The following SMARCC1 variants were observed in gnomAD, a reference collection of about 807,000 sequenced individuals.
SMARCC1 encodes the protein SWI/SNF complex subunit SMARCC1.
SMARCC1 carries 43 observed loss-of-function variants against 147.4 expected under a neutral mutation model. That is an observed-to-expected ratio of 0.29 (90% CI 0.23 to 0.38). SMARCC1 has a LOEUF of 0.38. Ranked by LOEUF, SMARCC1 falls within the 10% of genes least tolerant of loss-of-function variation. SMARCC1 has a pLI of 1.00. For missense variants in SMARCC1, 1,119 were observed against 1,381.1 expected (o/e 0.81, Z 3.01); for synonymous variants, 495 against 484.4 (o/e 1.02, Z -0.29).
chr3:47,689,354 G>A, intron 13 of SMARCC1, 33 bp downstream of exon 13: 3 of 1,579,306 alleles, frequency 1.9e-6, no homozygotes, highest in Non-Finnish European at 2.6e-6. Flanking sequence ...CCTTAGAGAA[G>A]CTCTCTCACA....
chr3:47,667,496 G>C (rs1209449847), intron 19 of SMARCC1, among the ~76,000 whole-genome samples: 1 of 152,190 alleles, frequency 6.6e-6, no homozygotes. Flanking sequence ...GAGAATCAGT[G>C]AGCTCACAAA....
rs986667372 is a variant in SMARCC1, at chr3:47,602,491, T to C, written c.3043+7575A>G. On this transcript the variant is annotated intron_variant, in intron 26 of 27. Coordinates refer to ENST00000254480, the MANE Select transcript of SMARCC1 (RefSeq NM_003074.4). Reference sequence around the variant, plus strand: ...TTTTTTTATTTTTGTAGAGAGAGGGTTTCACCATGTTGCCCAGGTTGGTCT... The same window carrying C: ...TTTTTTTATTTTTGTAGAGAGAGGGCTTCACCATGTTGCCCAGGTTGGTCT... Among the ~76,000 whole-genome samples the C allele has an allele frequency of 2.6e-5, 4 of 152,076 alleles. No homozygotes were observed. The South Asian group carries it at 8.3e-4, about 32-fold the overall frequency.
At chr3:47,623,786 C>T (rs964704415) in intron 24 of SMARCC1, among the ~76,000 whole-genome samples, 3 of 152,084 alleles carry the variant, frequency 2.0e-5, no homozygotes, top group African/African-American at 7.2e-5. Context: ...ACATCAGTAA[C>T]TCTTCCTTTG....
intron 9 of SMARCC1, among the ~76,000 whole-genome samples, chr3:47,707,987 C>T (rs746375162): frequency 1.3e-5 from 2 of 149,776 alleles, no homozygotes; most frequent in Non-Finnish European, 2.9e-5. Context: ...AACTGAGAAG[C>T]TTAAACACCT....
In SMARCC1 at chr3:47,763,480, T is replaced by TTA. The variant is rs954620908; in HGVS notation, c.315+9336_315+9337insTA. 4.6e-5 allele frequency among the ~76,000 whole-genome samples: 7 copies of TTA among 151,962 alleles called. No homozygotes were observed. In the East Asian group the frequency reaches 1.4e-3, roughly 30 times the overall value. On this transcript the variant is annotated intron_variant, in intron 2 of 27. Transcript: ENST00000254480. ...TGACAACTGCTTTAAAATACGTCAG[T>TTA]ATTACACTTTACATTTTTGTAGATA...
At chr3:47,779,976 G>A (rs1410418551) in intron 1 of SMARCC1, among the ~76,000 whole-genome samples, 1 of 152,058 alleles carries the variant, frequency 6.6e-6, no homozygotes, top group Non-Finnish European at 1.5e-5. Context: ...TTATCACTGT[G>A]TAAGAAAGGG....
rs7374842 is a variant in SMARCC1 at position 47,699,628 on chromosome 3, G to C, written c.1165+1650C>G. On this transcript the variant is annotated intron_variant, in intron 11 of 27. Transcript: ENST00000254480. ...TATTGCTCTATATGTCTATACATAG[G>C]TATATACATATGTATATTGCCCTAC... Among the ~76,000 whole-genome samples, 3 of 151,558 alleles carry C rather than the reference G, an allele frequency of 2.0e-5. No homozygotes were observed. The East Asian group carries it at 5.8e-4, about 29-fold the overall frequency.
chr3:47,605,149 AC>A (rs1362228714), intron 26 of SMARCC1, among the ~76,000 whole-genome samples: 3 of 152,236 alleles, frequency 2.0e-5, no homozygotes, highest in African/African-American at 7.2e-5. Context: ...AACAGGCACC[AC>A]CACTTTGCAA....
rs1371602322 is a variant in SMARCC1 at position 47,608,094 on chromosome 3, G to A, written c.3043+1972C>T. On this transcript the variant is annotated intron_variant, in intron 26 of 27. Transcript: ENST00000254480. ...GCTTTCCTATAAGAACTGATTTTCA[G>A]GGTAACTAACTGAGACACAGTCTCG... Among the ~76,000 whole-genome samples the A allele has an allele frequency of 4.6e-5, 7 of 152,120 alleles. No homozygotes were observed. In the South Asian group the frequency reaches 1.0e-3, roughly 23 times the overall value.
chr3:47,658,312 T>C lies in SMARCC1; in HGVS notation c.2320+2982A>G, dbSNP rs186094814. ...ATTCACATAATATAAAATTCACCCA[T>C]TGAAGGAGTACAAGTCAATTAAATT... On this transcript the variant is annotated intron_variant, in intron 21 of 27. Coordinates refer to ENST00000254480, the MANE Select transcript of SMARCC1 (RefSeq NM_003074.4). Among the ~76,000 whole-genome samples, 151 of 152,318 alleles carry C rather than the reference T, an allele frequency of 9.9e-4. No homozygotes were observed. In the Middle Eastern group the frequency reaches 0.017, roughly 17 times the overall value.
At chr3:47,778,889 G>C (rs1253595004) in intron 1 of SMARCC1, among the ~76,000 whole-genome samples, 4 of 152,000 alleles carry the variant, frequency 2.6e-5, no homozygotes, top group African/African-American at 9.7e-5. Flanking sequence ...TCAGGAGGCT[G>C]AGGTGGGAGA....
intron 19 of SMARCC1, chr3:47,663,527 C>A: frequency 1.1e-6 from 1 of 892,772 alleles, no homozygotes; most frequent in Non-Finnish European, 1.7e-6. Flanking sequence ...GAGAGGATCT[C>A]TTGAGCCCAG....
chr3:47,752,917 T>C (rs1004241385), intron 2 of SMARCC1, among the ~76,000 whole-genome samples: 5 of 152,146 alleles, frequency 3.3e-5, no homozygotes, highest in African/African-American at 1.2e-4. Flanking sequence ...TGTGACCCAA[T>C]TGCTTTTAAT....
intron 2 of SMARCC1, among the ~76,000 whole-genome samples, chr3:47,757,474 AAGT>A (rs2034713434): frequency 6.6e-6 from 1 of 152,150 alleles, no homozygotes; most frequent in East Asian, 1.9e-4. Flanking sequence ...ATTGGTGAGA[AAGT>A]AGAAAATCAG....
intron 2 of SMARCC1, among the ~76,000 whole-genome samples, chr3:47,763,638 A>C (rs2034801268): frequency 6.6e-6 from 1 of 151,654 alleles, no homozygotes; most frequent in South Asian, 2.1e-4. Context: ...TGCCCAGCTG[A>C]GATTTTTTTT....
chr3:47,733,477 C>T (rs1011999931), intron 5 of SMARCC1, among the ~76,000 whole-genome samples: 1 of 151,984 alleles, frequency 6.6e-6, no homozygotes, highest in Non-Finnish European at 1.5e-5. Flanking sequence ...ACAAGAAGGC[C>T]GGGCAAGGTG....
intron 2 of SMARCC1, among the ~76,000 whole-genome samples, chr3:47,760,368 A>T (rs1260409059): frequency 1.3e-5 from 2 of 152,180 alleles, no homozygotes; most frequent in East Asian, 3.9e-4. Context: ...TGCTTCAAAA[A>T]TGTTAAGTCA....
At chr3:47,673,246 C>T (rs577421865) in intron 18 of SMARCC1, among the ~76,000 whole-genome samples, 3 of 151,850 alleles carry the variant, frequency 2.0e-5, no homozygotes, top group East Asian at 1.9e-4. Flanking sequence ...AAAAAAAAGC[C>T]GGGTGTGGTG....
intron 21 of SMARCC1, among the ~76,000 whole-genome samples, chr3:47,648,284 C>T (rs776122169): frequency 2.6e-5 from 4 of 152,138 alleles, no homozygotes; most frequent in Admixed American, 6.5e-5. Context: ...CATGAGCCAC[C>T]GCACCCGGCC....
Sources: allele counts gnomAD v4.1 joint callset (sites outside exome capture counted in the v4.1 genomes callset), GRCh38; gene constraint gnomAD v4.1.1; transcripts MANE v1.5; gene names NCBI Gene and HGNC (gene_info 2026-07-23, HGNC 2026-07-21).